Variants in MGAT4C observed in about 807,000 individuals in gnomAD.
MGAT4C encodes MGAT4 family member C, also known as alpha-1,3-mannosyl-glycoprotein 4-beta-N-acetylglucosaminyltransferase C.
Under a neutral mutation model 40.1 loss-of-function variants are expected in MGAT4C, and 19 were observed. That is an observed-to-expected ratio of 0.47 (90% confidence interval 0.33 to 0.70). The LOEUF (loss-of-function observed/expected upper bound fraction) is 0.70. Among genes scored for constraint, MGAT4C ranks in the 30% least tolerant of loss-of-function variants. The probability of loss-of-function intolerance (pLI) is 0.02; values close to 1 mark genes in which losing one functional copy is unlikely to be tolerated. For missense variants in MGAT4C, 491 were observed against 563.2 expected (o/e 0.87, Z 1.30); for synonymous variants, 181 against 187.1 (o/e 0.97, Z 0.27).
intron 4 of MGAT4C, among the ~76,000 whole-genome samples, chr12:86,287,036 G>T (rs1488114122): frequency 6.6e-6 from 1 of 152,108 alleles, no homozygotes; most frequent in Admixed American, 6.6e-5. Context: ...TGTGAATAGT[G>T]CTGTGATGAA....
chr12:86,705,612 T>A (rs552956134), intron 2 of MGAT4C, among the ~76,000 whole-genome samples: 8 of 152,102 alleles, frequency 5.3e-5, no homozygotes, highest in Non-Finnish European at 1.0e-4. Context: ...ATAAAAATCA[T>A]AAGGATCAGT....
intron 1 of MGAT4C, among the ~76,000 whole-genome samples, chr12:86,141,335 T>A (rs1374962415): frequency 1.3e-5 from 2 of 152,148 alleles, no homozygotes; most frequent in African/African-American, 4.8e-5. Flanking sequence ...ATAAAGTGAA[T>A]TCAATTTAAG....
At chr12:86,671,236 T>C (rs1430077227) in intron 2 of MGAT4C, among the ~76,000 whole-genome samples, 1 of 152,248 alleles carries the variant, frequency 6.6e-6, no homozygotes, top group Non-Finnish European at 1.5e-5. Flanking sequence ...ACAGTTTTTA[T>C]ACTCTATTTT....
chr12:86,069,255 T>C (rs999737452), intron 1 of MGAT4C, among the ~76,000 whole-genome samples: 5 of 152,134 alleles, frequency 3.3e-5, no homozygotes, highest in Non-Finnish European at 7.4e-5. Context: ...CACAAAACTC[T>C]TCTGTTTATC....
At chr12:86,514,110 A>ACACACACACAC (rs774960809) in intron 2 of MGAT4C, among the ~76,000 whole-genome samples, 1 of 144,704 alleles carries the variant, frequency 6.9e-6, no homozygotes, top group African/African-American at 2.6e-5. Context: ...ACACACACAC[A>ACACACACACAC]ACCCCGGCTT....
Position 86,056,579 on chromosome 12 carries a change from C to G in MGAT4C, c.-56-6856G>C, listed in dbSNP as rs546393161. ...CACATGAACTCATCCTTTTTTATGG[C>G]TGCATAGTATTCCTTGGTGTATATG... On this transcript the variant is annotated intron_variant, in intron 1 of 4. Coordinates refer to ENST00000611864, the MANE Select transcript of MGAT4C (RefSeq NM_001351288.2). Among the ~76,000 whole-genome samples, 20 of 152,254 alleles carry G rather than the reference C, an allele frequency of 1.3e-4. No homozygotes were observed. The East Asian group carries it at 3.5e-3, about 26-fold the overall frequency.
intron 2 of MGAT4C, among the ~76,000 whole-genome samples, chr12:86,638,320 C>T (rs1963281909): frequency 6.6e-6 from 1 of 151,714 alleles, no homozygotes. Context: ...TAGACATTAC[C>T]CTGGACAGCT....
intron 1 of MGAT4C, among the ~76,000 whole-genome samples, chr12:86,165,456 T>C (rs530399879): frequency 2.6e-5 from 4 of 152,156 alleles, no homozygotes; most frequent in Non-Finnish European, 5.9e-5. Context: ...TCAAAGTCTG[T>C]CTATGAGCTA....
chr12:86,824,924 T>A (rs548781082), intron 1 of MGAT4C, among the ~76,000 whole-genome samples: 88 of 151,452 alleles, frequency 5.8e-4, no homozygotes, highest in Middle Eastern at 3.4e-3. Flanking sequence ...GAATTTATAT[T>A]GAGTTAAATA....
At chr12:86,202,878 T>C (rs937774612) in intron 1 of MGAT4C, among the ~76,000 whole-genome samples, 5 of 152,154 alleles carry the variant, frequency 3.3e-5, no homozygotes, top group African/African-American at 9.6e-5. Context: ...TTCTTTCATA[T>C]GTCCAAATTT....
intron 3 of MGAT4C, among the ~76,000 whole-genome samples, chr12:85,987,989 A>G (rs1014677057): frequency 2.0e-5 from 3 of 152,246 alleles, no homozygotes; most frequent in Admixed American, 2.0e-4. Context: ...ATCTTAAGAA[A>G]AAAATAGCAA....
At chr12:86,562,751 A>G (rs948099570) in intron 2 of MGAT4C, among the ~76,000 whole-genome samples, 7 of 152,130 alleles carry the variant, frequency 4.6e-5, no homozygotes, top group Non-Finnish European at 4.4e-5. Flanking sequence ...TCTAATTTAT[A>G]TAAGCAGAAA....
At chr12:86,406,202 T>G (rs535888079) in intron 3 of MGAT4C, among the ~76,000 whole-genome samples, 75 of 151,196 alleles carry the variant, frequency 5.0e-4, no homozygotes, top group African/African-American at 1.6e-3. Flanking sequence ...CAAAAAGTGC[T>G]TAGATGACAA....
rs531937837 is a variant in MGAT4C, at chr12:86,142,089, C to A, written c.-56-92366G>T. Among the ~76,000 whole-genome samples, 3 of 152,258 alleles carry A rather than the reference C, an allele frequency of 2.0e-5. No individual in the cohort carries two copies. In the South Asian group the frequency reaches 6.2e-4, roughly 32 times the overall value. On this transcript the variant is annotated intron_variant, in intron 1 of 4. Coordinates refer to ENST00000611864, the MANE Select transcript of MGAT4C (RefSeq NM_001351288.2). ...ACTGACTCCCCTGGCTTTAGTCAGT[C>A]CTACTAAGGACAAACCTCTGACTTC...
intron 2 of MGAT4C, among the ~76,000 whole-genome samples, chr12:86,622,223 C>T (rs758962041): frequency 9.2e-5 from 14 of 151,870 alleles, no homozygotes; most frequent in Admixed American, 4.6e-4. Context: ...TGAAATAAGG[C>T]GAAGACATGG....
intron 1 of MGAT4C, among the ~76,000 whole-genome samples, chr12:86,772,934 T>C (rs1951664080): frequency 6.6e-6 from 1 of 152,052 alleles, no homozygotes; most frequent in Non-Finnish European, 1.5e-5. Context: ...TTAAATGAGA[T>C]TTGTGACTTA....
At chr12:86,056,084 C>T (rs905219586) in intron 1 of MGAT4C, among the ~76,000 whole-genome samples, 1 of 152,072 alleles carries the variant, frequency 6.6e-6, no homozygotes, top group Non-Finnish European at 1.5e-5. Context: ...AGGCATTCTT[C>T]TGGATAATTT....
intron 1 of MGAT4C, among the ~76,000 whole-genome samples, chr12:86,787,779 A>C (rs996273990): frequency 2.6e-5 from 4 of 152,064 alleles, no homozygotes; most frequent in Admixed American, 6.6e-5. Context: ...ACAGGATGTC[A>C]CTCTATTGCC....
chr12:86,339,906 A>G (rs751040161), intron 3 of MGAT4C, among the ~76,000 whole-genome samples: 3 of 152,210 alleles, frequency 2.0e-5, no homozygotes, highest in Non-Finnish European at 2.9e-5. Flanking sequence ...CTTCTAGGCT[A>G]CAGTACATAG....
Sources: allele counts gnomAD v4.1 joint callset (sites outside exome capture counted in the v4.1 genomes callset), GRCh38; gene constraint gnomAD v4.1.1; transcripts MANE v1.5; gene names NCBI Gene and HGNC (gene_info 2026-07-23, HGNC 2026-07-21).